NRK: variants seen among roughly 807,000 people sequenced by gnomAD.
NRK encodes the protein Nik related kinase.
Under a neutral mutation model 125.2 loss-of-function variants are expected in NRK, and 67 were observed. That is an observed-to-expected ratio of 0.54 (90% CI 0.44 to 0.66). NRK has a LOEUF of 0.66. NRK is among the 30% of genes least tolerant of loss of function. The pLI, the probability that NRK is intolerant of heterozygous loss-of-function variation, is 0.00. For missense variants in NRK, 1,224 were observed against 1,192.9 expected, an observed-to-expected ratio of 1.03 and a Z score of -0.38; for synonymous variants, 458 against 429.0, an observed-to-expected ratio of 1.07 and a Z score of -0.84.
At chrX:105,857,393 A>C (rs1406756572) in intron 2 of NRK, among the ~76,000 whole-genome samples, 4 of 111,445 alleles carry the variant, frequency 3.6e-5, no homozygotes, top group Non-Finnish European at 7.5e-5. Context: ...GTTAATATGC[A>C]TTGCTGAGAT....
intron 23 of NRK, among the ~76,000 whole-genome samples, 199 bp from the exon 24 acceptor site, chrX:105,943,742 C>T (rs774392066): frequency 4.5e-5 from 5 of 111,902 alleles, no homozygotes; most frequent in Admixed American, 2.8e-4. Flanking sequence ...CTCTTGAAGG[C>T]GAATATGTAT....
chrX:105,949,790 A>C, intron 27 of NRK, 56 bp downstream of exon 27: 1 of 800,442 alleles, frequency 1.2e-6, no homozygotes, highest in South Asian at 2.8e-5. Flanking sequence ...ACAAGGGTAA[A>C]AAAGTGTCCT....
At chrX:105,868,238 TTAG>T (rs1269246099) in intron 2 of NRK, among the ~76,000 whole-genome samples, 1 of 110,418 alleles carries the variant, frequency 9.1e-6, no homozygotes, top group Non-Finnish European at 1.9e-5. Context: ...ATTTGGAAAA[TTAG>T]TGGTGGAGAA....
rs1412630037 is a variant in NRK at position 105,917,597 on chromosome X, T to A, written c.2437T>A (p.Leu813Met). The A allele has an allele frequency of 8.6e-7, 1 of 1,165,454 alleles. No homozygotes were observed. Among genetic ancestry groups the A allele is most frequent in the Non-Finnish European group, 1.1e-6 (1 of 870,141 alleles). Residue 813 changes from leucine (L) to methionine (M), a missense_variant, in exon 16 of 29, where the codon TTG becomes ATG. Physicochemically the swap from Leu to Met is conservative, Grantham distance 15 (BLOSUM62 2). Coordinates refer to ENST00000243300, the MANE Select transcript of NRK (RefSeq NM_198465.4). ...CATTAGCGTTCCTCAGCGGTCTCTT[T>A]TGGAACAAGCTCAGAAGCCCATTGA... ...FSSSVPQRSL[L>M]EQAQKPIDIR...
At chrX:105,886,534 GTA>G (rs932404616) in intron 4 of NRK, among the ~76,000 whole-genome samples, 4 of 102,766 alleles carry the variant, frequency 3.9e-5, no homozygotes, top group Non-Finnish European at 5.9e-5. Context: ...ACGTGTGTGT[GTA>G]TGTGTGTGTG....
intron 21 of NRK, among the ~76,000 whole-genome samples, chrX:105,936,109 A>C (rs1245101347): frequency 9.0e-6 from 1 of 111,467 alleles, no homozygotes; most frequent in Non-Finnish European, 1.9e-5. Context: ...AATGAAACAA[A>C]ATAAATGAAT....
chrX:105,846,270 G>A (rs755287665), intron 2 of NRK, among the ~76,000 whole-genome samples: 63 of 111,113 alleles, frequency 5.7e-4, no homozygotes, highest in African/African-American at 1.9e-3. Flanking sequence ...CATTGCATGC[G>A]GTCCATCTCT....
In NRK at chrX:105,856,933, A is replaced by G. The variant is rs2039538549; in HGVS notation, c.124-23266A>G. ...TTTTTTCATCTGCAATGTGGGCACA[A>G]TGATACTCTTTGACCTATGGGATAG... is the stretch of plus-strand genomic sequence containing the variant. On this transcript the variant is annotated intron_variant, in intron 2 of 28. Transcript: ENST00000243300. 1.8e-5 allele frequency among the ~76,000 whole-genome samples: 2 copies of G among 111,507 alleles called. 1 individual carries two copies. Among genetic ancestry groups the G allele is most frequent in the Admixed American group, 1.9e-4 (2 of 10,484 alleles).
At position 105,943,379 on chromosome X, in the gene NRK, A is replaced by G. The variant is rs192006919; in HGVS notation, c.3959-562A>G. Among the ~76,000 whole-genome samples the G allele has an allele frequency of 5.4e-5, 6 of 112,012 alleles. No homozygotes were observed. The East Asian group carries it at 1.4e-3, about 26-fold the overall frequency. ...TCCCAATTTTATTCCATTGATCTAT[A>G]TGTCTCTCCTTATGTTATTTAGTAC... On this transcript the variant is annotated intron_variant, in intron 23 of 28. Transcript: ENST00000243300.
chrX:105,943,987 A>C lies in NRK; in HGVS notation c.4005A>C (p.Ser1335=). 8.5e-7 allele frequency: 1 copy of C among 1,180,235 alleles called. No homozygotes were observed. The highest frequency in any genetic ancestry group is 1.7e-5 in the African/African-American group (1 of 57,264). ...TTYIAIALKS[S]IHLYAWAPKS... ...ATATTGCAATTGCTTTGAAATCATC[A>C]ATTCACCTTTATGCATGGGCACCAA... The change falls in exon 24 of 29, where the codon TCA becomes TCC. Residue 1335 remains serine, a synonymous_variant. Transcript: ENST00000243300.
Position 105,953,111 on chromosome X carries a change from GA to G in NRK, c.4594del (p.Ser1532ValfsTer3). The G allele has an allele frequency of 2.5e-6, 3 of 1,198,636 alleles. No individual in the cohort carries two copies. The highest frequency in any genetic ancestry group is 3.4e-6 in the Non-Finnish European group (3 of 887,355). ...EVRSLQSRVL[E>X]SELKRRSIKK... is the part of the protein sequence containing the mutation. ...GCGCTCTTTGCAATCCAGGGTTCTG[GA>G]AAGTGAGCTGAAGCGCAGGTCAATT... is the stretch of plus-strand genomic sequence containing the variant. On this transcript the variant is annotated frameshift_variant, in exon 28 of 29. Coordinates refer to ENST00000243300, the MANE Select transcript of NRK (RefSeq NM_198465.4). LOFTEE classifies it high-confidence loss of function.
rs145723389 is a variant in NRK, at chrX:105,866,542, G to C, written c.124-13657G>C. On this transcript the variant is annotated intron_variant, in intron 2 of 28. Coordinates refer to ENST00000243300, the MANE Select transcript of NRK (RefSeq NM_198465.4). ...AATACCAAAGAATCCGTATCCTATA[G>C]AACATATTCTCTGACCAAAATTCAA... is the stretch of plus-strand genomic sequence containing the variant. Among the ~76,000 whole-genome samples, 416 of 111,585 alleles carry C rather than the reference G, an allele frequency of 3.7e-3. 3 individuals are homozygous for C. Among genetic ancestry groups the C allele is most frequent in the African/African-American group, 0.013 (386 of 30,786 alleles).
intron 2 of NRK, among the ~76,000 whole-genome samples, chrX:105,852,684 A>C (rs2147668114): frequency 8.9e-6 from 1 of 111,874 alleles, no homozygotes; most frequent in South Asian, 3.7e-4. Context: ...CCCCCTTTAA[A>C]GTTAGCATCC....
chrX:105,908,375 C>G, intron 12 of NRK, 72 bp downstream of exon 12: 1 of 535,683 alleles, frequency 1.9e-6, no homozygotes, highest in Non-Finnish European at 2.9e-6. Context: ...CATACTGTTG[C>G]CTTTGGTTCA....
In NRK at chrX:105,915,723, CT is replaced by C; in HGVS notation, c.2350-4del. The stretch of plus-strand genomic sequence containing the variant: ...ATTCTACTGAAGTATTGCATTGTGT[CT>C]TTAAGGTTCAAGAGAGATCTCCTTC... On this transcript the variant is annotated splice_polypyrimidine_tract_variant and splice_region_variant and intron_variant, in intron 14 of 28. Transcript: ENST00000243300. The C allele has an allele frequency of 9.2e-7, 1 of 1,085,227 alleles. No homozygotes were observed. Among genetic ancestry groups the C allele is most frequent in the African/African-American group, 1.8e-5 (1 of 55,225 alleles). The allele number at this position is 1,085,227 out of a possible 1,213,427, so 89.4% of individuals were successfully genotyped here. A position where few individuals can be genotyped will look rare whatever the true frequency, so the allele number is the denominator to read the frequency against.
Position 105,922,038 on chromosome X carries a change from C to G in NRK, c.2587C>G (p.Gln863Glu). Residue 863 changes from glutamine to glutamate, a missense_variant, in exon 17 of 29, where the codon CAG (glutamine) becomes GAG (glutamate). Coordinates refer to ENST00000243300, the MANE Select transcript of NRK (RefSeq NM_198465.4). ...QSSPPYSTID[Q>E]KLLVDIHVPD... ...ATCACCACCTTATTCTACTATTGAT[C>G]AGAAGTTGCTGGTTGACATCCATGT... The G allele has an allele frequency of 8.8e-7, 1 of 1,140,503 alleles. No homozygotes were observed. The highest frequency in any genetic ancestry group is 1.2e-6 in the Non-Finnish European group (1 of 833,378). 94.0% of individuals were successfully genotyped at this position (1,140,503 alleles called of 1,213,427 possible).
chrX:105,863,496 G>A (rs1046028685), intron 2 of NRK, among the ~76,000 whole-genome samples: 21 of 111,499 alleles, frequency 1.9e-4, no homozygotes, highest in African/African-American at 6.5e-4. Context: ...TCAGTTTTCT[G>A]TAGTCACAGC....
At chrX:105,831,691 T>G (rs1330610563) in intron 2 of NRK, among the ~76,000 whole-genome samples, 1 of 112,021 alleles carries the variant, frequency 8.9e-6, no homozygotes, top group Non-Finnish European at 1.9e-5. Context: ...TTGGGGCTTA[T>G]GGTTGAGAAA....
rs752523135 is a variant in NRK at position 105,840,855 on chromosome X, G to GTATA, written c.123+9749_123+9752dup. On this transcript the variant is annotated intron_variant, in intron 2 of 28. Coordinates refer to ENST00000243300, the MANE Select transcript of NRK (RefSeq NM_198465.4). ...TGTATGTATGTGTCTGTGTGTGTGTGTATATATATATATATACATAGAGAG... is the reference window on the plus strand; with the variant it reads ...TGTATGTATGTGTCTGTGTGTGTGTGTATATATATATATATATATACATAGAGAG... Among the ~76,000 whole-genome samples the GTATA allele has an allele frequency of 5.0e-5, 5 of 99,901 alleles. No homozygotes were observed. The East Asian group carries it at 1.2e-3, about 23-fold the overall frequency. 86.8% of individuals were successfully genotyped at this position (99,901 alleles called of 115,157 possible).
Sources: gnomAD v4.1 joint callset for allele counts (sites outside exome capture counted in the v4.1 genomes callset) on GRCh38, gnomAD v4.1.1 for gene constraint, MANE v1.5 for transcripts, NCBI Gene and HGNC (gene_info 2026-07-23, HGNC 2026-07-21) for gene names.